Variants in KIAA0513 observed in about 807,000 individuals in gnomAD.
The protein encoded by KIAA0513 is uncharacterized protein KIAA0513.
A neutral mutation model predicts 56.5 loss-of-function variants in KIAA0513; 39 were observed. The observed-to-expected ratio is 0.69, with a 90% CI of 0.53 to 0.90. KIAA0513 has a LOEUF of 0.90. KIAA0513 is among the 40% of genes least tolerant of loss of function. KIAA0513 has a pLI of 0.00. For missense variants in KIAA0513, 591 were observed against 535.2 expected, an observed-to-expected ratio of 1.10 and a Z score of -1.03; for synonymous variants, 268 against 215.6, an observed-to-expected ratio of 1.24 and a Z score of -2.13.
chr16:85,084,197 G>A (rs897887189), intron 10 of KIAA0513, among the ~76,000 whole-genome samples: 1 of 150,696 alleles, frequency 6.6e-6, no homozygotes, highest in Non-Finnish European at 1.5e-5. Flanking sequence ...GAGTAGTTAG[G>A]ATTACAAGTG....
chr16:85,040,437 G>A (rs1196150894), intron 1 of KIAA0513, among the ~76,000 whole-genome samples: 2 of 152,132 alleles, frequency 1.3e-5, no homozygotes, highest in African/African-American at 4.8e-5. Flanking sequence ...GGCTGAGGTA[G>A]GAGGATCGCT....
chr16:85,030,558 G>A (rs62048416), intron 1 of KIAA0513, among the ~76,000 whole-genome samples: 2,666 of 151,952 alleles, frequency 0.018, 72 homozygotes, highest in African/African-American at 0.055. Flanking sequence ...ACCAGCTTGG[G>A]CAACGTGGTG....
At chr16:85,038,518 C>T (rs945406079) in intron 1 of KIAA0513, among the ~76,000 whole-genome samples, 3 of 151,840 alleles carry the variant, frequency 2.0e-5, no homozygotes, top group Non-Finnish European at 4.4e-5. Flanking sequence ...ACCGGTCTGA[C>T]CAACACAGTG....
At chr16:85,035,041 C>G (rs2073016022) in intron 1 of KIAA0513, among the ~76,000 whole-genome samples, 1 of 152,252 alleles carries the variant, frequency 6.6e-6, no homozygotes, top group Non-Finnish European at 1.5e-5. Flanking sequence ...CCCCCCTTCC[C>G]CAGGCCGAGC....
rs1308068743 is a variant in KIAA0513 at position 85,086,701 on chromosome 16, G to A, written c.1068G>A (p.Glu356=). The change falls in exon 11 of 13, where the codon GAG becomes GAA. Residue 356 remains glutamate, a synonymous_variant. Coordinates refer to ENST00000683363, the MANE Select transcript of KIAA0513 (RefSeq NM_001388359.1). ...EERDDSLRFN[E]NITFGQLGTF... is the part of the protein sequence containing the mutation. ...GCGACGACAGCCTCCGGTTCAACGA[G>A]AACATCACCTTCGGGCAGCTGGGGT... is the stretch of plus-strand genomic sequence containing the variant. 1.2e-6 allele frequency: 2 copies of A among 1,613,814 alleles called. No homozygotes were observed. The highest frequency in any genetic ancestry group is 1.7e-6 in the Non-Finnish European group (2 of 1,179,990).
At chr16:85,046,190 CCTT>C (rs1421767406) in intron 1 of KIAA0513, among the ~76,000 whole-genome samples, 2 of 152,190 alleles carry the variant, frequency 1.3e-5, no homozygotes, top group East Asian at 1.9e-4. Flanking sequence ...CTTGTGAAGT[CCTT>C]CTTACCACGC....
rs2073886997 is a variant in KIAA0513 at position 85,093,113 on chromosome 16, G to T, written c.*4788G>T. 6.6e-6 allele frequency: 1 copy of T among 152,440 alleles called. No homozygotes were observed. Among genetic ancestry groups the T allele is most frequent in the Non-Finnish European group, 1.5e-5 (1 of 68,240 alleles). 9.4% of individuals were successfully genotyped at this position (152,440 alleles called of 1,614,324 possible). A position where few individuals can be genotyped will look rare whatever the true frequency, so the allele number is the denominator to read the frequency against. On this transcript the variant is annotated 3_prime_UTR_variant, in exon 13 of 13. Coordinates refer to ENST00000683363, the MANE Select transcript of KIAA0513 (RefSeq NM_001388359.1). ...CCGTGGGAGCCCTGCCTCTGGTGCT[G>T]GCAAGGGATTGGGTTTGTGTGGGTG...
intron 1 of KIAA0513, among the ~76,000 whole-genome samples, chr16:85,059,754 C>A (rs187275173): frequency 1.3e-5 from 2 of 152,320 alleles, no homozygotes; most frequent in Admixed American, 1.3e-4. Flanking sequence ...GTTAGCACGG[C>A]CAGGGAAGAT....
chr16:85,069,535 G>C (rs945432778), intron 2 of KIAA0513, among the ~76,000 whole-genome samples: 2 of 152,084 alleles, frequency 1.3e-5, no homozygotes, highest in Non-Finnish European at 2.9e-5. Context: ...CTGTGCATCA[G>C]CCTGATGTTT....
chr16:85,038,165 A>T, intron 1 of KIAA0513, among the ~76,000 whole-genome samples: 1 of 152,020 alleles, frequency 6.6e-6, no homozygotes, highest in East Asian at 1.9e-4. Flanking sequence ...GGGCCACACT[A>T]TGTCGCCGTA....
intron 5 of KIAA0513, 56 bp downstream of exon 5, chr16:85,075,970 T>G: frequency 7.4e-7 from 1 of 1,356,676 alleles, no homozygotes; most frequent in African/African-American, 1.4e-5. Context: ...GCTGATAATA[T>G]GGTGTCAGAG....
At chr16:85,057,891 G>T (rs967021659) in intron 1 of KIAA0513, among the ~76,000 whole-genome samples, 2 of 151,646 alleles carry the variant, frequency 1.3e-5, no homozygotes, top group Non-Finnish European at 2.9e-5. Flanking sequence ...CACACGGCTT[G>T]GTGTGGGCTG....
In KIAA0513 at chr16:85,088,328, C is replaced by A; in HGVS notation, c.*3C>A. 1.9e-6 allele frequency: 3 copies of A among 1,609,592 alleles called. No individual in the cohort carries two copies. Among genetic ancestry groups the A allele is most frequent in the South Asian group, 1.1e-5 (1 of 91,074 alleles). ...TTGAGCAAATGGCCACTGAGTAGGC[C>A]CCAGAGGTCGCACTCCGCAGGAGGA... is the stretch of plus-strand genomic sequence containing the variant. On this transcript the variant is annotated 3_prime_UTR_variant, in exon 13 of 13. Coordinates refer to ENST00000683363, the MANE Select transcript of KIAA0513 (RefSeq NM_001388359.1).
chr16:85,074,921 AG>A (rs2073634924), intron 4 of KIAA0513, among the ~76,000 whole-genome samples: 1 of 151,442 alleles, frequency 6.6e-6, no homozygotes, highest in Non-Finnish European at 1.5e-5. Flanking sequence ...TTTTCCTTTG[AG>A]TTTTTTGTCC....
Position 85,048,253 on chromosome 16 carries a change from C to T in KIAA0513, c.-172-18647C>T, listed in dbSNP as rs141606475. On this transcript the variant is annotated intron_variant, in intron 1 of 12. Transcript: ENST00000683363. ...GAGGGAGGAGGGAAGCCCTCTGCACCCACCCCGCCTTCCAGGTTGAGACAA... is the reference window on the plus strand; with the variant it reads ...GAGGGAGGAGGGAAGCCCTCTGCACTCACCCCGCCTTCCAGGTTGAGACAA... Among the ~76,000 whole-genome samples the T allele has an allele frequency of 3.3e-5, 5 of 152,276 alleles. 1 individual carries two copies. Among genetic ancestry groups the T allele is most frequent in the Middle Eastern group, 6.8e-3 (2 of 292 alleles).
rs539693938 is a variant in KIAA0513, at chr16:85,088,641, G to A, written c.*316G>A. 3.7e-5 allele frequency: 12 copies of A among 322,482 alleles called. No homozygotes were observed. The highest frequency in any genetic ancestry group is 2.3e-4 in the East Asian group (4 of 17,704). The allele number at this position is 322,482 out of a possible 1,614,324, so 20.0% of individuals were successfully genotyped here. On this transcript the variant is annotated 3_prime_UTR_variant, in exon 13 of 13. Transcript: ENST00000683363. ...GAGGGGAAGGACTCCATGGGCCATC[G>A]TGGGCCAAGGGCTGGCGAGGGTGGG...
chr16:85,029,508 CACG>C (rs1310196671), intron 1 of KIAA0513, among the ~76,000 whole-genome samples: 2 of 152,230 alleles, frequency 1.3e-5, no homozygotes, highest in Non-Finnish European at 2.9e-5. Context: ...GCTCTCTTTT[CACG>C]ACAATAACTG....
At chr16:85,034,056 G>T (rs1272532415) in intron 1 of KIAA0513, among the ~76,000 whole-genome samples, 1 of 152,136 alleles carries the variant, frequency 6.6e-6, no homozygotes, top group Non-Finnish European at 1.5e-5. Flanking sequence ...CAGCACATCT[G>T]TTGGGACAGA....
intron 1 of KIAA0513, among the ~76,000 whole-genome samples, chr16:85,053,346 C>T (rs2073281683): frequency 6.6e-6 from 1 of 152,252 alleles, no homozygotes; most frequent in Non-Finnish European, 1.5e-5. Context: ...AGACCCAGCG[C>T]ATTGCTGCAG....
Sources: allele counts gnomAD v4.1 joint callset (sites outside exome capture counted in the v4.1 genomes callset), GRCh38; gene constraint gnomAD v4.1.1; transcripts MANE v1.5; gene names NCBI Gene and HGNC (gene_info 2026-07-23, HGNC 2026-07-21).